The following TCF23 variants were observed in gnomAD, a reference collection of about 807,000 sequenced individuals.
The protein encoded by TCF23 is transcription factor 23, also known as class A basic helix-loop-helix protein 24.
In TCF23, 7 loss-of-function variants were observed where a neutral mutation model predicts 13.0. The observed-to-expected ratio is 0.54, with a 90% CI of 0.31 to 1.01. The LOEUF is 1.01. TCF23 is among the 50% of genes least tolerant of loss of function. The probability of loss-of-function intolerance (pLI) is 0.06; values close to 1 mark genes in which losing one functional copy is unlikely to be tolerated. For missense variants in TCF23, 257 were observed against 289.8 expected (o/e 0.89, Z 0.82); for synonymous variants, 122 against 119.5 (o/e 1.02, Z -0.14).
chr2:27,155,447 A>C lies in TCF23; in HGVS notation c.*2580A>C, dbSNP rs575292318. The stretch of plus-strand genomic sequence containing the variant: ...AACCCGCTTTGTCTCTGCAATGAGA[A>C]AGAAAAACACAGCCAGGCTCAGTGG... On this transcript the variant is annotated 3_prime_UTR_variant, in exon 3 of 3. Coordinates refer to ENST00000296096, the MANE Select transcript of TCF23 (RefSeq NM_175769.3). 2 of 152,480 alleles carry C rather than the reference A, an allele frequency of 1.3e-5. No individual in the cohort carries two copies. The highest frequency in any genetic ancestry group is 2.9e-5 in the Non-Finnish European group (2 of 68,146). 9.4% of individuals were successfully genotyped at this position (152,480 alleles called of 1,614,324 possible). A position where few individuals can be genotyped will look rare whatever the true frequency, so the allele number is the denominator to read the frequency against.
intron 2 of TCF23, among the ~76,000 whole-genome samples, chr2:27,151,551 C>A (rs1275508): frequency 0.74 from 112,439 of 151,950 alleles, 43,882 homozygotes; most frequent in Non-Finnish European, 0.86. Flanking sequence ...CCAGGTTGGT[C>A]TCAAACTCCC....
Position 27,150,148 on chromosome 2 carries a change from C to T in TCF23, c.248C>T (p.Ala83Val), listed in dbSNP as rs755486123. ...AGCGAGGCCAGTCCTGAGAATGCCG[C>T]GCGGGAGCGGAGCCGGGTCAGGACG... ...GRSEASPENA[A>V]RERSRVRTLR... is the part of the protein sequence containing the mutation. Residue 83 changes from alanine to valine, a missense_variant, in exon 2 of 3, where the codon GCG (alanine) becomes GTG (valine). Coordinates refer to ENST00000296096, the MANE Select transcript of TCF23 (RefSeq NM_175769.3). The surrounding 1 kb of genome is among the most constrained non-coding windows in gnomAD (Gnocchi z 4.1). 30 of 1,607,592 alleles carry T rather than the reference C, an allele frequency of 1.9e-5. No homozygotes were observed. Among genetic ancestry groups the T allele is most frequent in the African/African-American group, 8.0e-5 (6 of 74,846 alleles).
rs1276691080 is a variant in TCF23, at chr2:27,156,239, T to C, written c.*3372T>C. On this transcript the variant is annotated 3_prime_UTR_variant, in exon 3 of 3. Transcript: ENST00000296096. ...TACTTGGGAGGCTGAGGCAGGAGAATTGCTTGATCCCAGGAGGTGGAGTTT... is the reference window on the plus strand; with the variant it reads ...TACTTGGGAGGCTGAGGCAGGAGAACTGCTTGATCCCAGGAGGTGGAGTTT... The C allele has an allele frequency of 2.6e-5, 4 of 151,136 alleles. No individual in the cohort carries two copies. Among genetic ancestry groups the C allele is most frequent in the African/African-American group, 9.7e-5 (4 of 41,086 alleles). The allele number at this position is 151,136 out of a possible 1,614,324, so 9.4% of individuals were successfully genotyped here.
In TCF23 at chr2:27,155,305, G is replaced by A. The variant is rs1170543321; in HGVS notation, c.*2438G>A. ...TGGCAGGGGGCAGGGTGAGCCAAGG[G>A]AAGGCCTAGGGGATGGATGGGAATA... is the stretch of plus-strand genomic sequence containing the variant. On this transcript the variant is annotated 3_prime_UTR_variant, in exon 3 of 3. Transcript: ENST00000296096. 1 of 152,444 alleles carries A rather than the reference G, an allele frequency of 6.6e-6. No individual in the cohort carries two copies. Among genetic ancestry groups the A allele is most frequent in the East Asian group, 1.9e-4 (1 of 5,198 alleles). 9.4% of individuals were successfully genotyped at this position (152,444 alleles called of 1,614,324 possible). A position where few individuals can be genotyped will look rare whatever the true frequency, so the allele number is the denominator to read the frequency against.
In TCF23 at chr2:27,150,324, C is replaced by T; in HGVS notation, c.424C>T (p.Pro142Ser). The change falls in exon 2 of 3, where the codon CCG becomes TCG. Residue 142 changes from proline to serine, a missense_variant. Pro to Ser is a moderately conservative substitution (Grantham distance 74, BLOSUM62 -1). Coordinates refer to ENST00000296096, the MANE Select transcript of TCF23 (RefSeq NM_175769.3). This position sits in a 1 kb window ranked among gnomAD's most constrained non-coding sequence, Gnocchi z 4.1. Reference sequence around the variant, plus strand: ...CCACGAGTTGCCTGGCCCTGCCTGGCCGCCCTTCCTGCGTGGACTCCGCTA... The same window carrying T: ...CCACGAGTTGCCTGGCCCTGCCTGGTCGCCCTTCCTGCGTGGACTCCGCTA... ...LGHELPGPAW[P>S]PFLRGLRYLH... is the part of the protein sequence containing the mutation. The T allele has an allele frequency of 2.5e-6, 4 of 1,613,714 alleles. No homozygotes were observed. The highest frequency in any genetic ancestry group is 2.2e-5 in the South Asian group (2 of 91,072).
In TCF23 at chr2:27,150,922, G is replaced by A. The variant is rs1049645358; in HGVS notation, c.465+557G>A. 1.3e-5 allele frequency among the ~76,000 whole-genome samples: 2 copies of A among 152,170 alleles called. No individual in the cohort carries two copies. Among genetic ancestry groups the A allele is most frequent in the South Asian group, 2.1e-4 (1 of 4,830 alleles). ...TTTCTCAACCTCAGTTTTATTACAC[G>A]TAAAATAGAAGCTAACATGAGCCTT... is the stretch of plus-strand genomic sequence containing the variant. On this transcript the variant is annotated intron_variant, in intron 2 of 2. Transcript: ENST00000296096. This position sits in a 1 kb window ranked among gnomAD's most constrained non-coding sequence, Gnocchi z 4.1.
chr2:27,149,940 C>T (rs1672733703), intron 1 of TCF23, 183 bp from the exon 2 acceptor site: 13 of 1,007,134 alleles, frequency 1.3e-5, no homozygotes, highest in Non-Finnish European at 1.7e-5. Context: ...GCCAGGCCTT[C>T]CCCCAACTTC....
In TCF23 at chr2:27,152,984, G is replaced by A. The variant is rs1374161468; in HGVS notation, c.*117G>A. 1 of 1,524,356 alleles carries A rather than the reference G, an allele frequency of 6.6e-7. No homozygotes were observed. Among genetic ancestry groups the A allele is most frequent in the Non-Finnish European group, 8.8e-7 (1 of 1,138,288 alleles). 94.4% of individuals were successfully genotyped at this position (1,524,356 alleles called of 1,614,324 possible). On this transcript the variant is annotated 3_prime_UTR_variant, in exon 3 of 3. Coordinates refer to ENST00000296096, the MANE Select transcript of TCF23 (RefSeq NM_175769.3). ...ACTCAGACTCAGCTCCCAAGTTCCA[G>A]CATGCAGACCAAGAGAAGCAGTAGC...
At position 27,156,307 on chromosome 2, in the gene TCF23, C is replaced by T. The variant is rs1672834388; in HGVS notation, c.*3440C>T. On this transcript the variant is annotated 3_prime_UTR_variant, in exon 3 of 3. Coordinates refer to ENST00000296096, the MANE Select transcript of TCF23 (RefSeq NM_175769.3). ...TGCCATTGCACTCCAGCCTGGGCAA[C>T]AAGAGTAAAACTCCGTCTAAAAAAA... 1 of 144,596 alleles carries T rather than the reference C, an allele frequency of 6.9e-6. No individual in the cohort carries two copies. The highest frequency in any genetic ancestry group is 1.5e-5 in the Non-Finnish European group (1 of 66,470). 9.0% of individuals were successfully genotyped at this position (144,596 alleles called of 1,614,324 possible).
Position 27,155,851 on chromosome 2 carries a change from G to T in TCF23, c.*2984G>T, listed in dbSNP as rs1182909762. The T allele has an allele frequency of 6.6e-6, 1 of 152,340 alleles. No individual in the cohort carries two copies. Among genetic ancestry groups the T allele is most frequent in the East Asian group, 1.9e-4 (1 of 5,208 alleles). 9.4% of individuals were successfully genotyped at this position (152,340 alleles called of 1,614,324 possible). A position where few individuals can be genotyped will look rare whatever the true frequency, so the allele number is the denominator to read the frequency against. On this transcript the variant is annotated 3_prime_UTR_variant, in exon 3 of 3. Coordinates refer to ENST00000296096, the MANE Select transcript of TCF23 (RefSeq NM_175769.3). ...ACTAGGGTGGCCTGGCTCAGGAGTT[G>T]GAGGCTCAGCTGCTCCATAGGGGAT... is the stretch of plus-strand genomic sequence containing the variant.
chr2:27,152,686 A>G lies in TCF23; in HGVS notation c.466-2A>G, dbSNP rs769653348. 6.2e-7 allele frequency: 1 copy of G among 1,612,470 alleles called. No individual in the cohort carries two copies. Among genetic ancestry groups the G allele is most frequent in the South Asian group, 1.1e-5 (1 of 90,910 alleles). ...TCTCACTTCCCAATCTGTGTCTTGC[A>G]GAAGTGGCCGATGCGATCTCGTCTC... On this transcript the variant is annotated splice_acceptor_variant, in intron 2 of 2. Transcript: ENST00000296096. LOFTEE classifies it high-confidence loss of function.
intron 1 of TCF23, 149 bp from the exon 2 acceptor site, chr2:27,149,974 C>A: frequency 7.6e-7 from 1 of 1,323,734 alleles, no homozygotes; most frequent in Non-Finnish European, 1.0e-6. Flanking sequence ...CGCGGCAGGG[C>A]TGCAGATGAC....
Position 27,152,989 on chromosome 2 carries a change from C to A in TCF23, c.*122C>A. ...GACTCAGCTCCCAAGTTCCAGCATG[C>A]AGACCAAGAGAAGCAGTAGCACTTC... On this transcript the variant is annotated 3_prime_UTR_variant, in exon 3 of 3. Coordinates refer to ENST00000296096, the MANE Select transcript of TCF23 (RefSeq NM_175769.3). 4.6e-6 allele frequency: 7 copies of A among 1,518,800 alleles called. No individual in the cohort carries two copies. The highest frequency in any genetic ancestry group is 1.8e-4 in the Middle Eastern group (1 of 5,530). 94.1% of individuals were successfully genotyped at this position (1,518,800 alleles called of 1,614,324 possible). A position where few individuals can be genotyped will look rare whatever the true frequency, so the allele number is the denominator to read the frequency against.
Position 27,150,215 on chromosome 2 carries a change from C to T in TCF23, c.315C>T (p.Ala105=), listed in dbSNP as rs748722467. ...TGGCCTTGCAGGCTGCTCTGCCTGC[C>T]GTGCCGCCCGACACCAAGCTCTCCA... ...AFLALQAALP[A]VPPDTKLSKL... Residue 105 remains alanine, a synonymous_variant, in exon 2 of 3, where the codon GCC becomes GCT. Coordinates refer to ENST00000296096, the MANE Select transcript of TCF23 (RefSeq NM_175769.3). The surrounding 1 kb of genome is among the most constrained non-coding windows in gnomAD (Gnocchi z 4.1). 1.2e-5 allele frequency: 20 copies of T among 1,613,060 alleles called. No homozygotes were observed. Among genetic ancestry groups the T allele is most frequent in the South Asian group, 4.4e-5 (4 of 91,054 alleles).
chr2:27,151,019 G>T (rs1397732902), intron 2 of TCF23, among the ~76,000 whole-genome samples: 1 of 152,206 alleles, frequency 6.6e-6, no homozygotes. Context: ...GCTAACAGTT[G>T]AGTGCTAAAG....
Position 27,149,064 on chromosome 2 carries a change from C to G in TCF23, c.-70C>G. ...TGGCTGGATGACCAGCCACAGCCAG[C>G]TAGCTTGAGTCCAAGGCCTCCTCAG... On this transcript the variant is annotated 5_prime_UTR_variant, in exon 1 of 3. Transcript: ENST00000296096. 7.0e-7 allele frequency: 1 copy of G among 1,427,602 alleles called. No individual in the cohort carries two copies. Among genetic ancestry groups the G allele is most frequent in the Non-Finnish European group, 9.5e-7 (1 of 1,051,210 alleles). 88.4% of individuals were successfully genotyped at this position (1,427,602 alleles called of 1,614,324 possible). A position where few individuals can be genotyped will look rare whatever the true frequency, so the allele number is the denominator to read the frequency against.
rs1044613600 is a variant in TCF23 at position 27,150,326 on chromosome 2, G to A, written c.426G>A (p.Pro142=). Residue 142 remains proline, a synonymous_variant, in exon 2 of 3, where the codon CCG becomes CCA. Coordinates refer to ENST00000296096, the MANE Select transcript of TCF23 (RefSeq NM_175769.3). The surrounding 1 kb of genome is among the most constrained non-coding windows in gnomAD (Gnocchi z 4.1). The part of the protein sequence containing the change: ...LGHELPGPAW[P]PFLRGLRYLH... ...ACGAGTTGCCTGGCCCTGCCTGGCC[G>A]CCCTTCCTGCGTGGACTCCGCTACT... The A allele has an allele frequency of 6.8e-6, 11 of 1,613,538 alleles. No homozygotes were observed. Among genetic ancestry groups the A allele is most frequent in the Admixed American group, 1.7e-5 (1 of 60,002 alleles).
In TCF23 at chr2:27,153,131, A is replaced by G. The variant is rs1271490504; in HGVS notation, c.*264A>G. The G allele has an allele frequency of 1.4e-6, 1 of 700,774 alleles. No individual in the cohort carries two copies. The highest frequency in any genetic ancestry group is 2.0e-6 in the Non-Finnish European group (1 of 504,398). 43.4% of individuals were successfully genotyped at this position (700,774 alleles called of 1,614,324 possible). A position where few individuals can be genotyped will look rare whatever the true frequency, so the allele number is the denominator to read the frequency against. On this transcript the variant is annotated 3_prime_UTR_variant, in exon 3 of 3. Transcript: ENST00000296096. ...ACTGGGAAGTGGGAGAGAAAGAGGT[A>G]TAATTGGGCTCAAAGTTGAGGTAGG...
In TCF23 at chr2:27,154,744, G is replaced by C. The variant is rs1672811886; in HGVS notation, c.*1877G>C. On this transcript the variant is annotated 3_prime_UTR_variant, in exon 3 of 3. Coordinates refer to ENST00000296096, the MANE Select transcript of TCF23 (RefSeq NM_175769.3). The stretch of plus-strand genomic sequence containing the variant: ...CAGGCAGGGGCAGAGGCCAGGTGTG[G>C]GAGGGCATGAGCACAGTGTTCTTCA... 6.5e-6 allele frequency: 1 copy of C among 152,864 alleles called. No individual in the cohort carries two copies. The highest frequency in any genetic ancestry group is 2.4e-5 in the African/African-American group (1 of 41,456). 9.5% of individuals were successfully genotyped at this position (152,864 alleles called of 1,614,324 possible).
Sources: gnomAD v4.1 joint callset for allele counts (sites outside exome capture counted in the v4.1 genomes callset) on GRCh38, gnomAD v4.1.1 for gene constraint, Gnocchi (gnomAD v3.1) non-coding constraint, MANE v1.5 for transcripts, NCBI Gene and HGNC (gene_info 2026-07-23, HGNC 2026-07-21) for gene names.